Variants in RAMP1 observed in about 807,000 individuals in gnomAD.
RAMP1 encodes the protein receptor activity modifying protein 1.
Under a neutral mutation model 8.2 loss-of-function variants are expected in RAMP1, and 7 were observed. The observed-to-expected ratio is 0.85, with a 90% CI of 0.49 to 1.60. The LOEUF is 1.60. Ranked by LOEUF, RAMP1 falls within the 40% of genes most tolerant of loss-of-function variation. The pLI is 0.00. For synonymous variants in RAMP1, 92 were observed against 84.7 expected, an observed-to-expected ratio of 1.09 and a Z score of -0.47; for missense variants, 192 against 202.4, an observed-to-expected ratio of 0.95 and a Z score of 0.31.
At chr2:237,870,823 G>T (rs1317596170) in intron 1 of RAMP1, among the ~76,000 whole-genome samples, 1 of 152,182 alleles carries the variant, frequency 6.6e-6, no homozygotes, top group African/African-American at 2.4e-5. Context: ...GACTCGGAAG[G>T]GCCTGGGCAT....
At chr2:237,902,909 TG>T (rs2062618288) in intron 2 of RAMP1, among the ~76,000 whole-genome samples, 1 of 152,264 alleles carries the variant, frequency 6.6e-6, no homozygotes, top group South Asian at 2.1e-4. Context: ...ATTACCATTC[TG>T]GTGGGGATCA....
intron 2 of RAMP1, among the ~76,000 whole-genome samples, chr2:237,889,295 C>T (rs1341453371): frequency 6.6e-6 from 1 of 152,174 alleles, no homozygotes; most frequent in East Asian, 1.9e-4. Context: ...CATATGCCCA[C>T]AAGATTATGT....
chr2:237,898,158 A>G (rs1433157173), intron 2 of RAMP1, among the ~76,000 whole-genome samples: 2 of 152,208 alleles, frequency 1.3e-5, no homozygotes, highest in African/African-American at 2.4e-5. Flanking sequence ...CTGTTGGGAA[A>G]ATGGCTTTGC....
Position 237,911,714 on chromosome 2 carries a change from C to A in RAMP1, c.378C>A (p.Pro126=), listed in dbSNP as rs371401930. Reference sequence around the variant, plus strand: ...TCCTCTACCCCTTCATCGTGGTCCCCATCACGGTGACCCTGCTGGTGACGG... The same window carrying A: ...TCCTCTACCCCTTCATCGTGGTCCCAATCACGGTGACCCTGCTGGTGACGG... ...GSILYPFIVV[P]ITVTLLVTAL... The change falls in exon 3 of 3, where the codon CCC becomes CCA. Residue 126 remains proline (P), a synonymous_variant. Coordinates refer to ENST00000254661, the MANE Select transcript of RAMP1 (RefSeq NM_005855.4). The A allele has an allele frequency of 1.9e-4, 303 of 1,613,698 alleles. No homozygotes were observed. The highest frequency in any genetic ancestry group is 2.5e-4 in the Non-Finnish European group (295 of 1,179,912).
At chr2:237,910,503 T>C (rs368344725) in intron 2 of RAMP1, among the ~76,000 whole-genome samples, 6 of 143,868 alleles carry the variant, frequency 4.2e-5, no homozygotes, top group African/African-American at 1.3e-4. Context: ...ACACACAGAA[T>C]AACACAATTA....
At chr2:237,883,222 C>CT (rs1470807679) in intron 2 of RAMP1, among the ~76,000 whole-genome samples, 2 of 152,180 alleles carry the variant, frequency 1.3e-5, no homozygotes, top group Non-Finnish European at 2.9e-5. Flanking sequence ...TGGGCTGGGC[C>CT]TGCAGGTATC....
chr2:237,893,858 C>T (rs1186924374), intron 2 of RAMP1, among the ~76,000 whole-genome samples: 1 of 151,846 alleles, frequency 6.6e-6, no homozygotes, highest in South Asian at 2.1e-4. Context: ...GAATTGCTCT[C>T]GAACCCAGGA....
intron 2 of RAMP1, among the ~76,000 whole-genome samples, chr2:237,911,135 C>T (rs1204880915): frequency 1.3e-5 from 2 of 152,234 alleles, no homozygotes; most frequent in African/African-American, 4.8e-5. Flanking sequence ...CAGTCACATA[C>T]AGAATAACAG....
At chr2:237,893,432 C>T (rs1242401909) in intron 2 of RAMP1, among the ~76,000 whole-genome samples, 1 of 152,182 alleles carries the variant, frequency 6.6e-6, no homozygotes, top group Non-Finnish European at 1.5e-5. Context: ...CGGACACTGA[C>T]ATTCCCCGAT....
chr2:237,886,650 G>T (rs1216207118), intron 2 of RAMP1, among the ~76,000 whole-genome samples: 5 of 152,166 alleles, frequency 3.3e-5, no homozygotes, highest in South Asian at 4.1e-4. Flanking sequence ...GAAGTCTTCT[G>T]GCCCTGGGGG....
chr2:237,881,753 C>A (rs548104893), intron 2 of RAMP1, among the ~76,000 whole-genome samples: 1 of 152,200 alleles, frequency 6.6e-6, no homozygotes, highest in East Asian at 1.9e-4. Flanking sequence ...TCTATCAGGT[C>A]GTTTTTAAAG....
intron 2 of RAMP1, among the ~76,000 whole-genome samples, chr2:237,887,445 A>G (rs1204918281): frequency 6.6e-6 from 1 of 152,194 alleles, no homozygotes; most frequent in Non-Finnish European, 1.5e-5. Context: ...GCGTCTTGGG[A>G]CAGGCCTTGG....
chr2:237,873,577 C>T (rs891892541), intron 1 of RAMP1, among the ~76,000 whole-genome samples: 1 of 152,176 alleles, frequency 6.6e-6, no homozygotes, highest in African/African-American at 2.4e-5. Flanking sequence ...TCCTAACTTA[C>T]GCACAGCTCG....
intron 1 of RAMP1, among the ~76,000 whole-genome samples, chr2:237,870,485 C>T (rs1219471847): frequency 6.6e-6 from 1 of 152,250 alleles, no homozygotes; most frequent in Non-Finnish European, 1.5e-5. Flanking sequence ...TTTCCATTTT[C>T]TGTTTCTTAA....
At chr2:237,906,406 G>C (rs948140645) in intron 2 of RAMP1, among the ~76,000 whole-genome samples, 1 of 152,136 alleles carries the variant, frequency 6.6e-6, no homozygotes, top group Non-Finnish European at 1.5e-5. Context: ...CGATAGGGGC[G>C]GGGGTAGAGG....
Position 237,877,084 on chromosome 2 carries a change from G to A in RAMP1, c.53-140G>A. On this transcript the variant is annotated intron_variant, in intron 1 of 2. Transcript: ENST00000254661. This position sits in a 1 kb window ranked among gnomAD's most constrained non-coding sequence, Gnocchi z 4.4. ...ACAATTGATGAAGAGCGTCCACTTG[G>A]AGCCACAGTCGCCCTCTCCAGGGGT... 1 of 1,016,974 alleles carries A rather than the reference G, an allele frequency of 9.8e-7. No individual in the cohort carries two copies. The highest frequency in any genetic ancestry group is 1.5e-5 in the South Asian group (1 of 68,136). 63.0% of individuals were successfully genotyped at this position (1,016,974 alleles called of 1,614,324 possible). A position where few individuals can be genotyped will look rare whatever the true frequency, so the allele number is the denominator to read the frequency against.
chr2:237,877,115 A>T lies in RAMP1; in HGVS notation c.53-109A>T. The T allele has an allele frequency of 1.4e-6, 2 of 1,426,418 alleles. No homozygotes were observed. The highest frequency in any genetic ancestry group is 1.9e-6 in the Non-Finnish European group (2 of 1,027,934). The allele number at this position is 1,426,418 out of a possible 1,614,324, so 88.4% of individuals were successfully genotyped here. A position where few individuals can be genotyped will look rare whatever the true frequency, so the allele number is the denominator to read the frequency against. ...CAGTCGCCCTCTCCAGGGGTTGCTTAGAGGCCCCGTTCTCGTGGAGTCCGG... is the reference window on the plus strand; with the variant it reads ...CAGTCGCCCTCTCCAGGGGTTGCTTTGAGGCCCCGTTCTCGTGGAGTCCGG... On this transcript the variant is annotated intron_variant, in intron 1 of 2. Coordinates refer to ENST00000254661, the MANE Select transcript of RAMP1 (RefSeq NM_005855.4). This position sits in a 1 kb window ranked among gnomAD's most constrained non-coding sequence, Gnocchi z 4.4.
Position 237,911,544 on chromosome 2 carries a change from G to A in RAMP1, c.208G>A (p.Ala70Thr). The A allele has an allele frequency of 1.9e-6, 3 of 1,614,112 alleles. No homozygotes were observed. The highest frequency in any genetic ancestry group is 2.5e-6 in the Non-Finnish European group (3 of 1,179,992). Residue 70 changes from alanine (A) to threonine (T), a missense_variant, in exon 3 of 3, where the codon GCC (alanine) becomes ACC (threonine). Transcript: ENST00000254661. ...CATCCGCAGGAGCTACAGGGAGCTGGCCGACTGCACCTGGCACATGGCGGA... is the reference window on the plus strand; with the variant it reads ...CATCCGCAGGAGCTACAGGGAGCTGACCGACTGCACCTGGCACATGGCGGA... ...GRTIRSYREL[A>T]DCTWHMAEKL...
At chr2:237,884,143 T>A (rs1161131162) in intron 2 of RAMP1, among the ~76,000 whole-genome samples, 1 of 152,074 alleles carries the variant, frequency 6.6e-6, no homozygotes, top group Non-Finnish European at 1.5e-5. Flanking sequence ...TCCTGAGCCC[T>A]TTCTAACACG....
Sources: allele counts gnomAD v4.1 joint callset (sites outside exome capture counted in the v4.1 genomes callset), GRCh38; gene constraint gnomAD v4.1.1; non-coding constraint Gnocchi (gnomAD v3.1); transcripts MANE v1.5; gene names NCBI Gene and HGNC (gene_info 2026-07-23, HGNC 2026-07-21).